GRIK2: variants seen among roughly 807,000 people sequenced by gnomAD.
GRIK2 encodes glutamate ionotropic receptor kainate type subunit 2.
A neutral mutation model predicts 100.3 loss-of-function variants in GRIK2; 32 were observed. The ratio of observed to expected loss-of-function variants is 0.32; its 90% CI spans 0.24 to 0.43. The LOEUF (loss-of-function observed/expected upper bound fraction) is 0.43, where lower values mean the gene tolerates loss of function less well. GRIK2 is among the 20% of genes least tolerant of loss of function. The pLI is 1.00. For missense variants in GRIK2, 843 were observed against 1,114.9 expected (o/e 0.76, Z 3.47); for synonymous variants, 417 against 389.4 (o/e 1.07, Z -0.83).
chr6:101,581,300 G>A (rs1429643225), intron 2 of GRIK2, among the ~76,000 whole-genome samples: 24 of 151,170 alleles, frequency 1.6e-4, no homozygotes, highest in Admixed American at 1.6e-3. Context: ...GTGTGTGTGT[G>A]TGTATATACA....
intron 2 of GRIK2, among the ~76,000 whole-genome samples, chr6:101,515,173 A>G (rs1355745382): frequency 1.3e-5 from 2 of 152,038 alleles, no homozygotes; most frequent in Non-Finnish European, 2.9e-5. Context: ...CCTGACTTAC[A>G]TCACTTAGAA....
intron 12 of GRIK2, among the ~76,000 whole-genome samples, chr6:101,891,946 A>G (rs1787128304): frequency 6.6e-6 from 1 of 152,194 alleles, no homozygotes; most frequent in Admixed American, 6.6e-5. Flanking sequence ...TAAGTGCAAG[A>G]GTTTCAGATT....
At chr6:101,926,838 A>G (rs2128471120) in intron 13 of GRIK2, among the ~76,000 whole-genome samples, 1 of 152,294 alleles carries the variant, frequency 6.6e-6, no homozygotes, top group East Asian at 1.9e-4. Flanking sequence ...GTCCTTGGGT[A>G]AGATATGAAC....
intron 2 of GRIK2, among the ~76,000 whole-genome samples, chr6:101,467,738 A>C (rs1205946306): frequency 6.6e-6 from 1 of 152,192 alleles, no homozygotes; most frequent in African/African-American, 2.4e-5. Flanking sequence ...ATTCAAGTTC[A>C]GCAATACAGT....
intron 16 of GRIK2, among the ~76,000 whole-genome samples, chr6:102,059,871 A>G (rs578130738): frequency 6.6e-6 from 1 of 150,544 alleles, no homozygotes; most frequent in East Asian, 1.9e-4. Context: ...GTATTTGCTT[A>G]TACAAATTGT....
At chr6:101,953,143 T>A (rs1442388088) in intron 14 of GRIK2, among the ~76,000 whole-genome samples, 1 of 152,218 alleles carries the variant, frequency 6.6e-6, no homozygotes, top group Non-Finnish European at 1.5e-5. Context: ...TACATTGATA[T>A]AACAAATTTT....
chr6:101,529,458 C>T (rs939630249), intron 2 of GRIK2, among the ~76,000 whole-genome samples: 1 of 152,052 alleles, frequency 6.6e-6, no homozygotes. Flanking sequence ...TGCTAATTTA[C>T]TTACTAGATA....
At chr6:101,484,569 A>ACC (rs60312818) in intron 2 of GRIK2, among the ~76,000 whole-genome samples, 1 of 151,330 alleles carries the variant, frequency 6.6e-6, no homozygotes, top group Admixed American at 6.6e-5. Flanking sequence ...ACACACACAC[A>ACC]TATATATGGG....
intron 10 of GRIK2, among the ~76,000 whole-genome samples, chr6:101,844,604 AT>A (rs1265803134): frequency 6.6e-6 from 1 of 152,196 alleles, no homozygotes; most frequent in African/African-American, 2.4e-5. Flanking sequence ...TTTGGTCCAG[AT>A]TTTAACATAG....
At chr6:101,809,433 A>G (rs1002103926) in intron 9 of GRIK2, among the ~76,000 whole-genome samples, 5 of 151,988 alleles carry the variant, frequency 3.3e-5, no homozygotes, top group African/African-American at 4.8e-5. Flanking sequence ...CATATGAAAA[A>G]GGTGCCTGAA....
intron 2 of GRIK2, among the ~76,000 whole-genome samples, chr6:101,509,708 A>G (rs962118990): frequency 6.6e-6 from 1 of 152,180 alleles, no homozygotes; most frequent in Admixed American, 6.5e-5. Flanking sequence ...TTGCTTGTAA[A>G]TTCCAAAACA....
At chr6:101,729,494 TACTC>T (rs1273880741) in intron 7 of GRIK2, among the ~76,000 whole-genome samples, 11 of 151,986 alleles carry the variant, frequency 7.2e-5, no homozygotes, top group Admixed American at 6.6e-4. Flanking sequence ...AATATATTGT[TACTC>T]AATATTAGTA....
chr6:101,501,374 G>A (rs1773738153), intron 2 of GRIK2, among the ~76,000 whole-genome samples: 1 of 152,100 alleles, frequency 6.6e-6, no homozygotes, highest in East Asian at 1.9e-4. Context: ...TTAATATAAT[G>A]CATATTGTAT....
chr6:101,589,258 A>G (rs1040303096), intron 2 of GRIK2, among the ~76,000 whole-genome samples: 2 of 152,198 alleles, frequency 1.3e-5, no homozygotes, highest in Non-Finnish European at 2.9e-5. Flanking sequence ...TGGAGTGACT[A>G]AATCTAGCTA....
intron 4 of GRIK2, among the ~76,000 whole-genome samples, chr6:101,639,598 GCATACATA>G (rs3056158): frequency 8.6e-5 from 13 of 151,104 alleles, no homozygotes; most frequent in Non-Finnish European, 1.2e-4. Flanking sequence ...CTCAATACAT[GCATACATA>G]CATACATACA....
At chr6:101,623,245 C>T (rs1412763116) in intron 3 of GRIK2, among the ~76,000 whole-genome samples, 1 of 151,904 alleles carries the variant, frequency 6.6e-6, no homozygotes, top group Non-Finnish European at 1.5e-5. Flanking sequence ...CCTTCTTTTC[C>T]CCCAGCAGCT....
At chr6:101,550,796 A>G (rs1305480983) in intron 2 of GRIK2, among the ~76,000 whole-genome samples, 4 of 152,176 alleles carry the variant, frequency 2.6e-5, no homozygotes, top group South Asian at 2.1e-4. Flanking sequence ...TTTCCTTTAT[A>G]AGCATTTATG....
At chr6:101,890,153 C>A (rs2128457400) in intron 12 of GRIK2, 1 of 234,984 alleles carries the variant, frequency 4.3e-6, no homozygotes, top group Non-Finnish European at 8.1e-6. Flanking sequence ...GAATCATTGC[C>A]TCACTTCGAA....
At chr6:101,829,313 C>T (rs1282878111) in intron 10 of GRIK2, among the ~76,000 whole-genome samples, 1 of 151,968 alleles carries the variant, frequency 6.6e-6, no homozygotes, top group Non-Finnish European at 1.5e-5. Context: ...AGGTTGGAAG[C>T]ATGGCCCTTA....
Sources: allele counts gnomAD v4.1 joint callset (sites outside exome capture counted in the v4.1 genomes callset), GRCh38; gene constraint gnomAD v4.1.1; transcripts MANE v1.5; gene names NCBI Gene and HGNC (gene_info 2026-07-23, HGNC 2026-07-21).